ZSWIM4: variants seen among roughly 807,000 people sequenced by gnomAD.
ZSWIM4 encodes zinc finger SWIM-type containing 4.
Under a neutral mutation model 102.5 loss-of-function variants are expected in ZSWIM4, and 62 were observed. The observed-to-expected ratio is 0.60, with a 90% CI of 0.49 to 0.75. ZSWIM4 has a LOEUF of 0.75. ZSWIM4 is among the 30% of genes least tolerant of loss of function. ZSWIM4 has a pLI of 0.00. For synonymous variants in ZSWIM4, 652 were observed against 674.5 expected (o/e 0.97, Z 0.52); for missense variants, 1,280 against 1,529.6 (o/e 0.84, Z 2.72).
rs766106913 is a variant in ZSWIM4, at chr19:13,825,525, G to A, written c.2216-25G>A. The stretch of plus-strand genomic sequence containing the variant: ...CTGGTGCTGAGGTGTATCCGATGGT[G>A]TCCTCTGTCCCGCCCTTCACCCAGG... On this transcript the variant is annotated intron_variant, in intron 11 of 13. Coordinates refer to ENST00000590508, the MANE Select transcript of ZSWIM4 (RefSeq NM_001367834.3). The surrounding 1 kb of genome is among the most constrained non-coding windows in gnomAD (Gnocchi z 4.6). The A allele has an allele frequency of 2.5e-6, 4 of 1,608,346 alleles. No individual in the cohort carries two copies. Among genetic ancestry groups the A allele is most frequent in the African/African-American group, 2.7e-5 (2 of 74,852 alleles).
At chr19:13,810,980 C>T (rs1201121577) in intron 5 of ZSWIM4, among the ~76,000 whole-genome samples, 1 of 136,708 alleles carries the variant, frequency 7.3e-6, no homozygotes, top group Admixed American at 8.2e-5. Flanking sequence ...GTGGCACGAT[C>T]TCGGCTCACT....
intron 7 of ZSWIM4, among the ~76,000 whole-genome samples, chr19:13,816,867 G>T (rs1186946406): frequency 6.6e-6 from 1 of 152,146 alleles, no homozygotes; most frequent in Non-Finnish European, 1.5e-5. Flanking sequence ...TCTTCAGAGA[G>T]GTGGAGAGGG....
intron 3 of ZSWIM4, among the ~76,000 whole-genome samples, chr19:13,805,847 T>C (rs1437862808): frequency 2.6e-5 from 4 of 151,108 alleles, no homozygotes; most frequent in Non-Finnish European, 4.4e-5. Context: ...GGTGGGTGCC[T>C]GTAGTCCCAG....
chr19:13,818,490 C>T (rs909507802), intron 9 of ZSWIM4, among the ~76,000 whole-genome samples: 3 of 152,248 alleles, frequency 2.0e-5, no homozygotes, highest in African/African-American at 7.2e-5. Context: ...CACCTCCACC[C>T]TCTGGCCCCA....
chr19:13,817,787 T>G lies in ZSWIM4; in HGVS notation c.1735T>G (p.Ser579Ala), dbSNP rs1975337323. 1 of 1,596,210 alleles carries G rather than the reference T, an allele frequency of 6.3e-7. No individual in the cohort carries two copies. Among genetic ancestry groups the G allele is most frequent in the Non-Finnish European group, 8.5e-7 (1 of 1,173,192 alleles). Residue 579 changes from serine (S) to alanine (A), a missense_variant, in exon 9 of 14, where the codon TCC (serine) becomes GCC (alanine). Coordinates refer to ENST00000590508, the MANE Select transcript of ZSWIM4 (RefSeq NM_001367834.3). The part of the protein sequence containing the change: ...HVPVPGSPGE[S>A]YLVLALEVAL... ...GCCTGTGCCCGGGAGCCCTGGGGAG[T>G]CCTACTTGGTGCTGGCGCTGGAGGT... is the stretch of plus-strand genomic sequence containing the variant.
In ZSWIM4 at chr19:13,823,405, C is replaced by A. The variant is rs760131656; in HGVS notation, c.2120C>A (p.Ser707Tyr). 1.9e-6 allele frequency: 3 copies of A among 1,613,452 alleles called. No individual in the cohort carries two copies. Among genetic ancestry groups the A allele is most frequent in the Non-Finnish European group, 2.5e-6 (3 of 1,179,730 alleles). The change falls in exon 11 of 14, where the codon TCC becomes TAC. Residue 707 changes from serine to tyrosine, a missense_variant. Physicochemically the swap from Ser to Tyr is moderately radical, Grantham distance 144. Transcript: ENST00000590508. The part of the protein sequence containing the change: ...AGEPHPSPLD[S>Y]IMSNRFPRWF... ...GAACCTCATCCCAGCCCGCTGGACTCCATCATGAGCAACCGCTTCCCCCGC... is the reference window on the plus strand; with the variant it reads ...GAACCTCATCCCAGCCCGCTGGACTACATCATGAGCAACCGCTTCCCCCGC...
At chr19:13,816,910 G>A (rs1399806795) in intron 7 of ZSWIM4, among the ~76,000 whole-genome samples, 2 of 152,128 alleles carry the variant, frequency 1.3e-5, no homozygotes, top group Non-Finnish European at 2.9e-5. Context: ...ATGACACTTC[G>A]GGTGTTTTAG....
chr19:13,822,163 T>TACACACACAC (rs59602194), intron 10 of ZSWIM4, among the ~76,000 whole-genome samples: 21 of 142,280 alleles, frequency 1.5e-4, no homozygotes, highest in African/African-American at 2.8e-4. Context: ...CACACACACA[T>TACACACACAC]ACACACACAC....
chr19:13,800,500 C>T (rs62124241), intron 2 of ZSWIM4, among the ~76,000 whole-genome samples: 1 of 151,600 alleles, frequency 6.6e-6, no homozygotes, highest in South Asian at 2.1e-4. Flanking sequence ...CTCCTGACCT[C>T]GTGATCCACC....
intron 2 of ZSWIM4, among the ~76,000 whole-genome samples, chr19:13,800,240 ATTTCTTTTTTTTTTTTTTTTTT>A (rs1367298155): frequency 2.1e-4 from 5 of 24,238 alleles, no homozygotes; most frequent in African/African-American, 4.9e-4. Flanking sequence ...AATTTTTTGT[ATTTCTTTTTTTTTTTTTTTTTT>A]TTTTTTTTTT....
rs1301856398 is a variant in ZSWIM4 at position 13,795,494 on chromosome 19, G to A, written c.-155G>A. The A allele has an allele frequency of 1.3e-4, 27 of 209,002 alleles. No homozygotes were observed. In the East Asian group the frequency reaches 3.3e-3, roughly 25 times the overall value. The allele number at this position is 209,002 out of a possible 1,614,324, so 12.9% of individuals were successfully genotyped here. On this transcript the variant is annotated 5_prime_UTR_variant, in exon 1 of 14. Coordinates refer to ENST00000590508, the MANE Select transcript of ZSWIM4 (RefSeq NM_001367834.3). ...CGCATCACCCTGCCGGCCCGGCGCG[G>A]GTCGGGGGTGGGTGCGGTAGGGGTC...
intron 9 of ZSWIM4, 127 bp from the exon 10 acceptor site, chr19:13,819,230 C>G (rs1298105747): frequency 7.6e-7 from 1 of 1,313,066 alleles, no homozygotes; most frequent in Non-Finnish European, 1.0e-6. Context: ...CCCAGAGACC[C>G]ATCTAGCCAC....
intron 10 of ZSWIM4, 62 bp downstream of exon 10, chr19:13,819,554 G>T: frequency 6.5e-7 from 1 of 1,527,832 alleles, no homozygotes; most frequent in Non-Finnish European, 8.8e-7. Flanking sequence ...CGGGCATGGG[G>T]GGTAGCTCAG....
chr19:13,818,327 C>T (rs1006896212), intron 9 of ZSWIM4, among the ~76,000 whole-genome samples: 4 of 152,194 alleles, frequency 2.6e-5, no homozygotes, highest in African/African-American at 9.7e-5. Flanking sequence ...TCATTGGCCC[C>T]GCCAATGGCC....
intron 9 of ZSWIM4, among the ~76,000 whole-genome samples, 163 bp downstream of exon 9, chr19:13,818,139 G>A (rs927527309): frequency 6.6e-6 from 1 of 151,862 alleles, no homozygotes; most frequent in African/African-American, 2.4e-5. Flanking sequence ...TTTCTAAAAG[G>A]AGAGAGCCAG....
intron 2 of ZSWIM4, among the ~76,000 whole-genome samples, chr19:13,800,460 T>A (rs1294318877): frequency 6.6e-6 from 1 of 151,682 alleles, no homozygotes; most frequent in Non-Finnish European, 1.5e-5. Context: ...AGAGACGGGG[T>A]TTCACCATGT....
chr19:13,826,957 G>A (rs763838068), intron 12 of ZSWIM4, among the ~76,000 whole-genome samples: 30 of 152,002 alleles, frequency 2.0e-4, no homozygotes, highest in Non-Finnish European at 3.8e-4. Flanking sequence ...GGTAAGGGGC[G>A]GGGCCTCAAA....
chr19:13,804,953 C>A lies in ZSWIM4; in HGVS notation c.517C>A (p.Leu173Met), dbSNP rs1403268262. The A allele has an allele frequency of 1.2e-6, 2 of 1,613,280 alleles. No individual in the cohort carries two copies. Among genetic ancestry groups the A allele is most frequent in the Admixed American group, 3.3e-5 (2 of 59,996 alleles). Residue 173 changes from leucine (L) to methionine (M), a missense_variant, in exon 3 of 14, where the codon CTG becomes ATG. Physicochemically the swap from Leu to Met is conservative, Grantham distance 15. Coordinates refer to ENST00000590508, the MANE Select transcript of ZSWIM4 (RefSeq NM_001367834.3). Reference sequence around the variant, plus strand: ...CTGTGCCCACGTGGTGGCCCTGTCCCTGTACCGCATTCGGCACGCCCACCA... The same window carrying A: ...CTGTGCCCACGTGGTGGCCCTGTCCATGTACCGCATTCGGCACGCCCACCA... The part of the protein sequence containing the change: ...FYCAHVVALS[L>M]YRIRHAHQVE...
chr19:13,817,195 GCCCC>G lies in ZSWIM4; in HGVS notation c.1532-19_1532-16del. 6.2e-7 allele frequency: 1 copy of G among 1,601,316 alleles called. No homozygotes were observed. The highest frequency in any genetic ancestry group is 8.5e-7 in the Non-Finnish European group (1 of 1,171,094). On this transcript the variant is annotated splice_polypyrimidine_tract_variant and intron_variant, in intron 7 of 13. Coordinates refer to ENST00000590508, the MANE Select transcript of ZSWIM4 (RefSeq NM_001367834.3). ...ACTTGGGCAGGTGTGTGGGCATTGA[GCCCC>G]CTCTTTCCACCTGCAGAGCTGCTCC...
Sources: allele counts gnomAD v4.1 joint callset (sites outside exome capture counted in the v4.1 genomes callset), GRCh38; gene constraint gnomAD v4.1.1; non-coding constraint Gnocchi (gnomAD v3.1); transcripts MANE v1.5; gene names NCBI Gene and HGNC (gene_info 2026-07-23, HGNC 2026-07-21).